The following NLGN1 variants were observed in gnomAD, a reference collection of about 807,000 sequenced individuals.
NLGN1 encodes neuroligin 1.
Under a neutral mutation model 65.5 loss-of-function variants are expected in NLGN1, and 12 were observed. That is an observed-to-expected ratio of 0.18 (90% CI 0.12 to 0.30). The LOEUF (loss-of-function observed/expected upper bound fraction) is 0.30, where lower values mean the gene tolerates loss of function less well. Ranked by LOEUF, NLGN1 falls within the 10% of genes least tolerant of loss-of-function variation. NLGN1 has a pLI of 1.00. For missense variants in NLGN1, 750 were observed against 1,007.1 expected (o/e 0.74, Z 3.46); for synonymous variants, 350 against 359.5 (o/e 0.97, Z 0.30).
chr3:173,608,668 T>C (rs1205632455), intron 3 of NLGN1, among the ~76,000 whole-genome samples: 1 of 151,872 alleles, frequency 6.6e-6, no homozygotes, highest in Non-Finnish European at 1.5e-5. Flanking sequence ...TTACATTAGA[T>C]AGATTTCCGT....
chr3:174,245,044 G>A (rs189617223), intron 4 of NLGN1, among the ~76,000 whole-genome samples: 13 of 152,240 alleles, frequency 8.5e-5, no homozygotes, highest in African/African-American at 3.1e-4. Context: ...GGGAGACTGT[G>A]TGTGACTAGG....
chr3:174,153,176 A>C (rs924571787), intron 4 of NLGN1, among the ~76,000 whole-genome samples: 1 of 152,126 alleles, frequency 6.6e-6, no homozygotes, highest in Non-Finnish European at 1.5e-5. Flanking sequence ...GCTTAGCTAT[A>C]ATATGTCACT....
chr3:174,124,790 G>A (rs992930118), intron 4 of NLGN1, among the ~76,000 whole-genome samples: 2 of 151,554 alleles, frequency 1.3e-5, no homozygotes, highest in African/African-American at 2.4e-5. Flanking sequence ...TGAGCTAAAT[G>A]CTGGGATGAA....
Position 173,628,035 on chromosome 3 carries a change from A to G in NLGN1, c.493+22944A>G, listed in dbSNP as rs144791157. Among the ~76,000 whole-genome samples, 114 of 152,068 alleles carry G rather than the reference A, an allele frequency of 7.5e-4. No homozygotes were observed. In the East Asian group the frequency reaches 0.018, roughly 23 times the overall value. ...ATGTTTGGTTCTCTTCCTGTCAGGT[A>G]TTGCTCTCTTCTTCTGTCACTGCAT... On this transcript the variant is annotated intron_variant, in intron 3 of 6. Transcript: ENST00000457714.
intron 4 of NLGN1, among the ~76,000 whole-genome samples, chr3:174,154,384 G>C (rs552568355): frequency 1.3e-5 from 2 of 152,048 alleles, no homozygotes; most frequent in Admixed American, 1.3e-4. Flanking sequence ...ATTTAATCTA[G>C]GGCTCCCTGT....
chr3:173,741,346 A>T (rs1774615094), intron 3 of NLGN1, among the ~76,000 whole-genome samples: 1 of 152,078 alleles, frequency 6.6e-6, no homozygotes, highest in South Asian at 2.1e-4. Context: ...CTTAACGCCC[A>T]GGAAATATTT....
chr3:174,124,123 AAG>A (rs1182947758), intron 4 of NLGN1, among the ~76,000 whole-genome samples: 1 of 152,098 alleles, frequency 6.6e-6, no homozygotes, highest in African/African-American at 2.4e-5. Flanking sequence ...ACAAGCCAGA[AAG>A]AGAGACCTCA....
chr3:174,158,343 T>G (rs1489261646), intron 4 of NLGN1, among the ~76,000 whole-genome samples: 2 of 151,814 alleles, frequency 1.3e-5, no homozygotes, highest in Non-Finnish European at 2.9e-5. Flanking sequence ...TATCTGAAAC[T>G]ATAATGTATA....
At chr3:173,486,168 C>G (rs931925730) in intron 2 of NLGN1, among the ~76,000 whole-genome samples, 1 of 152,158 alleles carries the variant, frequency 6.6e-6, no homozygotes, top group African/African-American at 2.4e-5. Flanking sequence ...CCTCAGCCTC[C>G]TGAGTAGCTG....
chr3:174,139,635 A>G (rs1033215895), intron 4 of NLGN1, among the ~76,000 whole-genome samples: 3 of 152,066 alleles, frequency 2.0e-5, no homozygotes, highest in Admixed American at 1.3e-4. Flanking sequence ...TAAAAAGGGG[A>G]AAAATGCTGG....
At chr3:173,571,053 G>A (rs1247730538) in intron 2 of NLGN1, among the ~76,000 whole-genome samples, 1 of 152,106 alleles carries the variant, frequency 6.6e-6, no homozygotes, top group African/African-American at 2.4e-5. Flanking sequence ...TATGTTGAAA[G>A]CCACAAGACT....
intron 2 of NLGN1, among the ~76,000 whole-genome samples, chr3:173,546,624 T>C (rs566369821): frequency 2.0e-5 from 3 of 152,322 alleles, no homozygotes; most frequent in Non-Finnish European, 4.4e-5. Flanking sequence ...CAGGCTATAG[T>C]TCTAATATTC....
intron 2 of NLGN1, among the ~76,000 whole-genome samples, chr3:173,521,328 G>A (rs1409449785): frequency 6.6e-6 from 1 of 152,200 alleles, no homozygotes; most frequent in Non-Finnish European, 1.5e-5. Context: ...AGATATTTGA[G>A]ACTTTGGTGA....
chr3:173,945,770 G>T (rs1026222755), intron 4 of NLGN1, among the ~76,000 whole-genome samples: 1 of 152,166 alleles, frequency 6.6e-6, no homozygotes, highest in Non-Finnish European at 1.5e-5. Context: ...GTACCTACCT[G>T]GTTGCACAAG....
At chr3:173,863,770 G>A (rs1729600939) in intron 4 of NLGN1, among the ~76,000 whole-genome samples, 1 of 152,146 alleles carries the variant, frequency 6.6e-6, no homozygotes, top group African/African-American at 2.4e-5. Flanking sequence ...TGCGTTACTG[G>A]CAGGACTAGC....
chr3:174,055,648 T>C (rs1735896273), intron 4 of NLGN1, among the ~76,000 whole-genome samples: 1 of 152,030 alleles, frequency 6.6e-6, no homozygotes, highest in Non-Finnish European at 1.5e-5. Context: ...CCATATACCA[T>C]GTTTGGCCCT....
rs1156267717 is a variant in NLGN1 at position 174,024,170 on chromosome 3, G to T, written c.646+216338G>T. Among the ~76,000 whole-genome samples, 9 of 148,172 alleles carry T rather than the reference G, an allele frequency of 6.1e-5. 1 individual carries two copies. The Admixed American group carries it at 6.1e-4, about 10-fold the overall frequency. On this transcript the variant is annotated intron_variant, in intron 4 of 6. Transcript: ENST00000457714. ...AAAAAAAAAAAAAAAAAAAAAACAC[G>T]GGCTGGACCATAGTTAAACTGCTGC... is the stretch of plus-strand genomic sequence containing the variant.
intron 4 of NLGN1, among the ~76,000 whole-genome samples, chr3:174,111,768 T>G (rs1322769557): frequency 6.6e-6 from 1 of 151,824 alleles, no homozygotes; most frequent in African/African-American, 2.4e-5. Context: ...GAATGGAGAG[T>G]TACTGGGTGC....
At chr3:173,710,736 AC>A (rs1768819363) in intron 3 of NLGN1, among the ~76,000 whole-genome samples, 2 of 152,172 alleles carry the variant, frequency 1.3e-5, no homozygotes, top group Non-Finnish European at 2.9e-5. Flanking sequence ...TTTACCTGGC[AC>A]ACTTTGGAGG....
Sources: gnomAD v4.1 joint callset for allele counts (sites outside exome capture counted in the v4.1 genomes callset) on GRCh38, gnomAD v4.1.1 for gene constraint, MANE v1.5 for transcripts, NCBI Gene and HGNC (gene_info 2026-07-23, HGNC 2026-07-21) for gene names.